The following C14orf39 variants were observed in gnomAD, a reference collection of about 807,000 sequenced individuals.
C14orf39 encodes the protein protein SIX6OS1.
A neutral mutation model predicts 85.6 loss-of-function variants in C14orf39; 66 were observed. The observed-to-expected ratio is 0.77, with a 90% CI of 0.63 to 0.95. C14orf39 has a LOEUF of 0.95. Ranked by LOEUF, C14orf39 falls within the 40% of genes least tolerant of loss-of-function variation. The pLI is 0.00. For synonymous variants in C14orf39, 242 were observed against 214.0 expected (o/e 1.13, Z -1.14); for missense variants, 735 against 663.9 (o/e 1.11, Z -1.18).
intron 11 of C14orf39, among the ~76,000 whole-genome samples, chr14:60,463,547 T>C (rs1176618518): frequency 6.6e-6 from 1 of 152,048 alleles, no homozygotes; most frequent in Non-Finnish European, 1.5e-5. Context: ...CCTTATGATA[T>C]ACTAAAAACC....
intron 2 of C14orf39, chr14:60,495,723 G>T: frequency 5.1e-6 from 1 of 197,164 alleles, no homozygotes; most frequent in African/African-American, 2.3e-5. Context: ...TGGGAGCGGA[G>T]TTGTATCTAC....
chr14:60,472,926 G>A (rs1260202826), intron 5 of C14orf39, among the ~76,000 whole-genome samples: 1 of 152,108 alleles, frequency 6.6e-6, no homozygotes, highest in East Asian at 1.9e-4. Flanking sequence ...ACCCAGTAAT[G>A]GGATGGCTGG....
intron 4 of C14orf39, among the ~76,000 whole-genome samples, chr14:60,478,780 G>C (rs1181120616): frequency 6.6e-6 from 1 of 151,936 alleles, no homozygotes; most frequent in Non-Finnish European, 1.5e-5. Context: ...AGCATTCAAA[G>C]AACTAGAATA....
At chr14:60,481,908 G>T (rs529922827) in intron 4 of C14orf39, among the ~76,000 whole-genome samples, 1 of 151,634 alleles carries the variant, frequency 6.6e-6, no homozygotes, top group African/African-American at 2.4e-5. Context: ...ATCATTATAG[G>T]GTATTTTTCT....
intron 4 of C14orf39, among the ~76,000 whole-genome samples, chr14:60,481,977 T>C (rs1347186375): frequency 6.6e-6 from 1 of 152,220 alleles, no homozygotes; most frequent in Non-Finnish European, 1.5e-5. Flanking sequence ...CTGATTTTGG[T>C]GACATATTTA....
intron 1 of C14orf39, among the ~76,000 whole-genome samples, chr14:60,506,346 A>T (rs1893202776): frequency 6.6e-6 from 1 of 152,218 alleles, no homozygotes. Context: ...TAAAAGAAAA[A>T]AATATATACC....
intron 16 of C14orf39, among the ~76,000 whole-genome samples, chr14:60,447,200 G>A (rs769546528): frequency 2.1e-4 from 32 of 152,276 alleles, no homozygotes; most frequent in Non-Finnish European, 3.2e-4. Flanking sequence ...TTCTGGCCAG[G>A]GCAATCAGGC....
chr14:60,509,411 C>T, intron 1 of C14orf39: 1 of 1,599,496 alleles, frequency 6.3e-7, no homozygotes, highest in Non-Finnish European at 8.5e-7. Context: ...GTTCCAGCTG[C>T]CCATCTTGAA....
chr14:60,447,373 C>A (rs887513494), intron 16 of C14orf39, among the ~76,000 whole-genome samples: 4 of 152,168 alleles, frequency 2.6e-5, no homozygotes, highest in Non-Finnish European at 5.9e-5. Context: ...AATCAATGTG[C>A]AAAAATCACA....
At chr14:60,457,682 A>C (rs538850432) in intron 14 of C14orf39, among the ~76,000 whole-genome samples, 9 of 152,014 alleles carry the variant, frequency 5.9e-5, no homozygotes, top group Non-Finnish European at 1.2e-4. Context: ...TCATCAAAAA[A>C]ATTAAAATGT....
rs570799059 is a variant in C14orf39 at position 60,509,240 on chromosome 14, C to A, written c.-144+6155G>T. 6.9e-5 allele frequency: 46 copies of A among 671,516 alleles called. No homozygotes were observed. In the Admixed American group the frequency reaches 8.6e-4, roughly 13 times the overall value. 41.6% of individuals were successfully genotyped at this position (671,516 alleles called of 1,614,324 possible). On this transcript the variant is annotated intron_variant, in intron 1 of 5. Coordinates refer to the C14orf39 transcript ENST00000556799. ...AGCACCTCCTCCAGTCGGGGTCGTC[C>A]GCTCCCGGCCGTTGAGCCACCGCCG... is the stretch of plus-strand genomic sequence containing the variant.
At chr14:60,460,934 T>C (rs10144805) in intron 13 of C14orf39, among the ~76,000 whole-genome samples, 125,181 of 151,658 alleles carry the variant, frequency 0.83, 53,147 homozygotes, top group Non-Finnish European at 0.92. Context: ...AAGTAAATTA[T>C]GGCATATCCA....
At chr14:60,465,952 T>A (rs961544669) in intron 11 of C14orf39, 27 bp downstream of exon 11, 2 of 1,323,466 alleles carry the variant, frequency 1.5e-6, no homozygotes, top group Non-Finnish European at 1.0e-6. Context: ...GGTATTTAAT[T>A]TATACTACTA....
chr14:60,468,407 C>G, intron 9 of C14orf39, 38 bp downstream of exon 9: 1 of 1,274,736 alleles, frequency 7.8e-7, no homozygotes, highest in Non-Finnish European at 1.1e-6. Context: ...TGCAAAATAT[C>G]TGTTCACATA....
chr14:60,453,801 A>C (rs2140063135), intron 16 of C14orf39, among the ~76,000 whole-genome samples: 1 of 152,074 alleles, frequency 6.6e-6, no homozygotes, highest in Admixed American at 6.6e-5. Context: ...AAAAAATTAA[A>C]TACAAACTTG....
intron 1 of C14orf39, among the ~76,000 whole-genome samples, chr14:60,503,267 G>A (rs1893167526): frequency 6.6e-6 from 1 of 152,184 alleles, no homozygotes. Flanking sequence ...TTGATTCAAG[G>A]GTTTTTAGGG....
At chr14:60,459,835 G>C (rs1330148304) in intron 13 of C14orf39, among the ~76,000 whole-genome samples, 2 of 151,602 alleles carry the variant, frequency 1.3e-5, no homozygotes, top group African/African-American at 4.8e-5. Flanking sequence ...TTCATTTGTA[G>C]AAGTTCTTTA....
At chr14:60,511,412 G>A (rs1566691725) in intron 1 of C14orf39, 1 of 858,588 alleles carries the variant, frequency 1.2e-6, no homozygotes, top group South Asian at 1.5e-5. Context: ...CCCACCCCGC[G>A]GCCGGCCTGG....
At chr14:60,470,639 G>T (rs540127387) in intron 7 of C14orf39, among the ~76,000 whole-genome samples, 2 of 151,810 alleles carry the variant, frequency 1.3e-5, no homozygotes, top group South Asian at 4.2e-4. Context: ...AAGTTAAAGC[G>T]CAAATGGGCA....
Sources: allele counts gnomAD v4.1 joint callset (sites outside exome capture counted in the v4.1 genomes callset), GRCh38; gene constraint gnomAD v4.1.1; transcripts MANE v1.5; gene names NCBI Gene and HGNC (gene_info 2026-07-23, HGNC 2026-07-21).